SUSD4: variants seen among roughly 807,000 people sequenced by gnomAD.
SUSD4 encodes the protein sushi domain containing 4.
A neutral mutation model predicts 50.5 loss-of-function variants in SUSD4; 41 were observed. The observed-to-expected ratio is 0.81, with a 90% CI of 0.63 to 1.05. The LOEUF is 1.05. Among genes scored for constraint, SUSD4 ranks in the 50% least tolerant of loss-of-function variants. The probability of loss-of-function intolerance (pLI) is 0.00; values close to 1 mark genes in which losing one functional copy is unlikely to be tolerated. For synonymous variants in SUSD4, 257 were observed against 257.3 expected (o/e 1.00, Z 0.01); for missense variants, 580 against 634.7 (o/e 0.91, Z 0.93).
At chr1:223,288,482 G>A (rs1166799407) in intron 3 of SUSD4, among the ~76,000 whole-genome samples, 1 of 152,174 alleles carries the variant, frequency 6.6e-6, no homozygotes, top group Non-Finnish European at 1.5e-5. Context: ...CCTAAGGGAG[G>A]AGGAATTTGG....
chr1:223,350,183 A>C (rs1415482471), intron 2 of SUSD4, among the ~76,000 whole-genome samples: 1 of 152,196 alleles, frequency 6.6e-6, no homozygotes, highest in Non-Finnish European at 1.5e-5. Context: ...GTCATCCAAC[A>C]TGGTATTTTG....
chr1:223,229,254 T>G lies in SUSD4; in HGVS notation c.859A>C (p.Ile287Leu). The change falls in exon 6 of 9, where the codon ATC becomes CTC. Residue 287 changes from isoleucine to leucine, a missense_variant. Transcript: ENST00000366878. The surrounding 1 kb of genome is among the most constrained non-coding windows in gnomAD (Gnocchi z 4.7). Reference sequence around the variant, plus strand: ...AACCACTCTCCATACTGGCAGGTGATGTACTTGTAGTCGCTGGTGAGGCTG... The same window carrying G: ...AACCACTCTCCATACTGGCAGGTGAGGTACTTGTAGTCGCTGGTGAGGCTG... ...GYSLTSDYKY[I>L]TCQYGEWFPS... is the part of the protein sequence containing the mutation. 6.2e-7 allele frequency: 1 copy of G among 1,612,894 alleles called. No individual in the cohort carries two copies. The highest frequency in any genetic ancestry group is 8.5e-7 in the Non-Finnish European group (1 of 1,178,964).
intron 2 of SUSD4, among the ~76,000 whole-genome samples, chr1:223,293,594 G>A (rs966662252): frequency 6.6e-6 from 1 of 152,202 alleles, no homozygotes; most frequent in Non-Finnish European, 1.5e-5. Flanking sequence ...GCAAGGGTGT[G>A]GGTAAGGGGT....
At chr1:223,353,076 G>C (rs1668455476) in intron 2 of SUSD4, among the ~76,000 whole-genome samples, 1 of 152,198 alleles carries the variant, frequency 6.6e-6, no homozygotes, top group Non-Finnish European at 1.5e-5. Context: ...TGGGCCAACA[G>C]CTATTGAGAA....
intron 5 of SUSD4, among the ~76,000 whole-genome samples, chr1:223,248,410 G>T (rs1661084570): frequency 6.6e-6 from 1 of 152,144 alleles, no homozygotes; most frequent in Admixed American, 6.5e-5. Context: ...CATCAAAACT[G>T]CCATTGCACC....
At chr1:223,362,904 C>CCA (rs2102609418) in intron 2 of SUSD4, among the ~76,000 whole-genome samples, 1 of 151,874 alleles carries the variant, frequency 6.6e-6, no homozygotes, top group African/African-American at 2.4e-5. Flanking sequence ...GGCAAGAGGT[C>CCA]CACAAATACA....
intron 2 of SUSD4, among the ~76,000 whole-genome samples, chr1:223,317,869 T>TTA (rs71178542): frequency 1.2e-4 from 15 of 127,880 alleles, no homozygotes; most frequent in South Asian, 2.6e-4. Flanking sequence ...TTTTTTTTTT[T>TTA]ATTATACTCT....
chr1:223,224,862 C>CTTTTTTTTT (rs11345619), intron 7 of SUSD4, among the ~76,000 whole-genome samples: 1 of 59,288 alleles, frequency 1.7e-5, no homozygotes, highest in African/African-American at 7.2e-5. Flanking sequence ...TGGTTTCTTC[C>CTTTTTTTTT]TTTTTTTTTT....
chr1:223,321,133 C>G (rs79228912), intron 2 of SUSD4, among the ~76,000 whole-genome samples: 2 of 152,096 alleles, frequency 1.3e-5, no homozygotes, highest in East Asian at 3.9e-4. Flanking sequence ...CTCCACAAGA[C>G]GTGCCCACTC....
At chr1:223,358,661 C>T (rs1329661663) in intron 2 of SUSD4, among the ~76,000 whole-genome samples, 1 of 152,204 alleles carries the variant, frequency 6.6e-6, no homozygotes, top group Non-Finnish European at 1.5e-5. Context: ...CTCTGACTTG[C>T]CTCTTCAGGC....
In SUSD4 at chr1:223,268,621, T is replaced by G; in HGVS notation, c.416A>C (p.His139Pro). 1 of 1,614,114 alleles carries G rather than the reference T, an allele frequency of 6.2e-7. No individual in the cohort carries two copies. The highest frequency in any genetic ancestry group is 8.5e-7 in the Non-Finnish European group (1 of 1,179,976). Residue 139 changes from histidine (H) to proline (P), a missense_variant, in exon 4 of 9, where the codon CAT becomes CCT. Transcript: ENST00000366878. The stretch of plus-strand genomic sequence containing the variant: ...ACAAGTGATGATTAGCTTCTCTCCA[T>G]GTCTATATGTCTTGTTATGAATCTC... ...DAEIHNKTYR[H>P]GEKLIITCHE...
chr1:223,323,028 G>T, intron 2 of SUSD4, among the ~76,000 whole-genome samples: 1 of 152,138 alleles, frequency 6.6e-6, no homozygotes, highest in East Asian at 1.9e-4. Flanking sequence ...AGAGGAAGCA[G>T]ACGGCCCTTC....
chr1:223,331,978 C>T (rs982274418), intron 2 of SUSD4, among the ~76,000 whole-genome samples: 1 of 152,234 alleles, frequency 6.6e-6, no homozygotes, highest in Non-Finnish European at 1.5e-5. Context: ...CCTCACCATG[C>T]TGACCTCTCA....
intron 5 of SUSD4, among the ~76,000 whole-genome samples, chr1:223,261,169 C>G (rs1471827679): frequency 6.6e-6 from 1 of 152,136 alleles, no homozygotes; most frequent in African/African-American, 2.4e-5. Flanking sequence ...TTGCGGCCAC[C>G]CAGCGGGCAG....
At chr1:223,257,548 T>C (rs1040496747) in intron 5 of SUSD4, among the ~76,000 whole-genome samples, 22 of 152,130 alleles carry the variant, frequency 1.4e-4, no homozygotes, top group Admixed American at 1.2e-3. Context: ...AAGGATACAC[T>C]GGGGTACGGT....
Position 223,222,084 on chromosome 1 carries a change from G to C in SUSD4, c.*108C>G. 1 of 1,116,902 alleles carries C rather than the reference G, an allele frequency of 9.0e-7. No homozygotes were observed. The highest frequency in any genetic ancestry group is 1.3e-6 in the Non-Finnish European group (1 of 767,878). The allele number at this position is 1,116,902 out of a possible 1,614,324, so 69.2% of individuals were successfully genotyped here. ...TAATGTGAACTGTGGTCCCCATGTAGACAAGTTAGACATTTTGCCCCCAGG... is the reference window on the plus strand; with the variant it reads ...TAATGTGAACTGTGGTCCCCATGTACACAAGTTAGACATTTTGCCCCCAGG... On this transcript the variant is annotated 3_prime_UTR_variant, in exon 9 of 9. Transcript: ENST00000366878.
chr1:223,339,202 T>C (rs188781125), intron 2 of SUSD4, among the ~76,000 whole-genome samples: 261 of 152,250 alleles, frequency 1.7e-3, no homozygotes, highest in African/African-American at 6.1e-3. Flanking sequence ...ATTGTGCACA[T>C]GAGTTTGGTG....
intron 2 of SUSD4, among the ~76,000 whole-genome samples, chr1:223,313,773 T>G (rs1323504864): frequency 6.6e-6 from 1 of 152,172 alleles, no homozygotes; most frequent in African/African-American, 2.4e-5. Context: ...AAGTGACCTC[T>G]GGTCATCCTC....
chr1:223,229,377 G>T lies in SUSD4; in HGVS notation c.736C>A (p.Pro246Thr). The T allele has an allele frequency of 1.3e-6, 2 of 1,595,168 alleles. No individual in the cohort carries two copies. The highest frequency in any genetic ancestry group is 1.7e-6 in the Non-Finnish European group (2 of 1,165,062). ...AAATCTCCGTGACTCACCATTGGAG[G>T]TAGTGGACAGACTTGGGCAGTAGGG... ...RCLALEVCPL[P>T]PMVSHGDFVC... Residue 246 changes from proline (P) to threonine (T), a missense_variant, in exon 6 of 9, where the codon CCT becomes ACT. Pro to Thr is a conservative substitution (Grantham distance 38). Coordinates refer to ENST00000366878, the MANE Select transcript of SUSD4 (RefSeq NM_017982.4). The surrounding 1 kb of genome is among the most constrained non-coding windows in gnomAD (Gnocchi z 4.7).
Sources: gnomAD v4.1 joint callset for allele counts (sites outside exome capture counted in the v4.1 genomes callset) on GRCh38, gnomAD v4.1.1 for gene constraint, Gnocchi (gnomAD v3.1) non-coding constraint, MANE v1.5 for transcripts, NCBI Gene and HGNC (gene_info 2026-07-23, HGNC 2026-07-21) for gene names.